WDFY2: variants seen among roughly 807,000 people sequenced by gnomAD.
The protein encoded by WDFY2 is WD repeat and FYVE domain containing 2.
WDFY2 carries 36 observed loss-of-function variants against 56.4 expected under a neutral mutation model. The ratio of observed to expected loss-of-function variants is 0.64; its 90% CI spans 0.49 to 0.84. The LOEUF (loss-of-function observed/expected upper bound fraction) is 0.84, where lower values mean the gene tolerates loss of function less well. Among genes scored for constraint, WDFY2 ranks in the 40% least tolerant of loss-of-function variants. The probability of loss-of-function intolerance (pLI) is 0.00; values close to 1 mark genes in which losing one functional copy is unlikely to be tolerated. For missense variants in WDFY2, 444 were observed against 512.2 expected (o/e 0.87, Z 1.29); for synonymous variants, 176 against 183.7 (o/e 0.96, Z 0.34).
chr13:51,630,658 C>T (rs967823319), intron 1 of WDFY2, among the ~76,000 whole-genome samples: 12 of 151,808 alleles, frequency 7.9e-5, no homozygotes, highest in African/African-American at 2.9e-4. Context: ...GTATTTAACC[C>T]ATTAGCGTTT....
intron 3 of WDFY2, among the ~76,000 whole-genome samples, chr13:51,698,117 C>T (rs1951914014): frequency 6.6e-6 from 1 of 152,170 alleles, no homozygotes; most frequent in South Asian, 2.1e-4. Context: ...TGTGTTTTAG[C>T]TCGGATTTAA....
chr13:51,726,366 T>C (rs1340712183), intron 5 of WDFY2, among the ~76,000 whole-genome samples: 3 of 152,216 alleles, frequency 2.0e-5, no homozygotes, highest in Non-Finnish European at 4.4e-5. Context: ...ACGTTTGGGT[T>C]ATTTTCAAAC....
chr13:51,677,428 A>G (rs1309300647), intron 3 of WDFY2, among the ~76,000 whole-genome samples: 3 of 152,260 alleles, frequency 2.0e-5, no homozygotes, highest in Non-Finnish European at 2.9e-5. Context: ...GATCACTGCA[A>G]TAACAGGCTC....
chr13:51,735,127 A>T (rs1023637418), intron 6 of WDFY2, among the ~76,000 whole-genome samples: 1 of 152,244 alleles, frequency 6.6e-6, no homozygotes, highest in African/African-American at 2.4e-5. Context: ...CGTTTCCATC[A>T]GCAGCTCTCC....
At chr13:51,649,132 G>C (rs991384886) in intron 1 of WDFY2, among the ~76,000 whole-genome samples, 2 of 152,188 alleles carry the variant, frequency 1.3e-5, no homozygotes, top group Non-Finnish European at 2.9e-5. Context: ...GGGCAACAGA[G>C]TGAGACTCGG....
At chr13:51,755,525 A>G in intron 9 of WDFY2, 66 bp downstream of exon 9, 1 of 1,485,682 alleles carries the variant, frequency 6.7e-7, no homozygotes, top group South Asian at 1.1e-5. Flanking sequence ...GTGATCTTAG[A>G]AGAAATAACA....
At chr13:51,719,453 GT>G in intron 5 of WDFY2, 105 bp downstream of exon 5, 3 of 1,272,254 alleles carry the variant, frequency 2.4e-6, no homozygotes, top group Non-Finnish European at 3.2e-6. Context: ...GTTAATGACA[GT>G]TGCCCAGTGT....
At position 51,764,942 on chromosome 13, in the gene WDFY2, C is replaced by G. The variant is rs1404052461; in HGVS notation, c.*5173C>G. ...ATTGTTCTAGTCAAGTGTGGCGTTG[C>G]ACGGACAGGCGGTGCCGAGTGTTTG... On this transcript the variant is annotated 3_prime_UTR_variant, in exon 12 of 12. Transcript: ENST00000298125. 6.6e-6 allele frequency: 1 copy of G among 152,196 alleles called. No individual in the cohort carries two copies. Among genetic ancestry groups the G allele is most frequent in the Admixed American group, 6.5e-5 (1 of 15,270 alleles). 9.4% of individuals were successfully genotyped at this position (152,196 alleles called of 1,614,324 possible).
chr13:51,636,362 T>A (rs1955051363), intron 1 of WDFY2, among the ~76,000 whole-genome samples: 1 of 152,196 alleles, frequency 6.6e-6, no homozygotes, highest in Admixed American at 6.5e-5. Context: ...AACAGGCCTA[T>A]AGGCTATGAT....
At position 51,727,722 on chromosome 13, in the gene WDFY2, G is replaced by C. The variant is rs1952635450; in HGVS notation, c.530G>C (p.Gly177Ala). The C allele has an allele frequency of 6.2e-7, 1 of 1,614,110 alleles. No homozygotes were observed. The highest frequency in any genetic ancestry group is 1.3e-5 in the African/African-American group (1 of 75,034). The change falls in exon 6 of 12, where the codon GGC (glycine) becomes GCC (alanine). Residue 177 changes from glycine (G) to alanine (A), a missense_variant. Coordinates refer to ENST00000298125, the MANE Select transcript of WDFY2 (RefSeq NM_052950.4). The part of the protein sequence containing the change: ...TRHVFIGDHS[G>A]QVTILKLEQE... ...CATGTGTTTATCGGTGACCACTCAG[G>C]CCAAGTAACAATCCTCAAACTGGAG...
chr13:51,656,610 C>T (rs189027026), intron 1 of WDFY2, among the ~76,000 whole-genome samples: 1 of 151,942 alleles, frequency 6.6e-6, no homozygotes, highest in Non-Finnish European at 1.5e-5. Flanking sequence ...CTCTCTATTT[C>T]TCCCTTCAGT....
At chr13:51,638,795 A>G (rs917262684) in intron 1 of WDFY2, among the ~76,000 whole-genome samples, 3 of 152,242 alleles carry the variant, frequency 2.0e-5, no homozygotes, top group East Asian at 1.9e-4. Flanking sequence ...ATGCAGAGCA[A>G]TGATTTACAT....
At chr13:51,621,229 G>A (rs1480759381) in intron 1 of WDFY2, among the ~76,000 whole-genome samples, 1 of 152,292 alleles carries the variant, frequency 6.6e-6, no homozygotes, top group African/African-American at 2.4e-5. Context: ...TCTTGGCCGG[G>A]CGCGGTGGCT....
Position 51,642,142 on chromosome 13 carries a change from A to C in WDFY2, c.138-18454A>C, listed in dbSNP as rs371180016. ...TCTAATCTTTTTTACCTTGTTTTTCATGTTCAGCCTTTCACATTTTCCATA... is the reference window on the plus strand; with the variant it reads ...TCTAATCTTTTTTACCTTGTTTTTCCTGTTCAGCCTTTCACATTTTCCATA... On this transcript the variant is annotated intron_variant, in intron 1 of 11. Transcript: ENST00000298125. Among the ~76,000 whole-genome samples the C allele has an allele frequency of 1.3e-3, 200 of 151,858 alleles. 1 individual carries two copies. Among genetic ancestry groups the C allele is most frequent in the South Asian group, 3.7e-3 (18 of 4,806 alleles).
chr13:51,669,447 A>G (rs1955769779), intron 2 of WDFY2, among the ~76,000 whole-genome samples: 1 of 152,208 alleles, frequency 6.6e-6, no homozygotes, highest in Admixed American at 6.5e-5. Context: ...ATAAGATAAT[A>G]AGAGGTCACA....
At chr13:51,646,478 G>T (rs1955264787) in intron 1 of WDFY2, among the ~76,000 whole-genome samples, 1 of 152,172 alleles carries the variant, frequency 6.6e-6, no homozygotes, top group Admixed American at 6.5e-5. Flanking sequence ...CCATACCTTA[G>T]CTCTTACCTT....
At chr13:51,671,558 C>T (rs1330669754) in intron 2 of WDFY2, among the ~76,000 whole-genome samples, 1 of 151,796 alleles carries the variant, frequency 6.6e-6, no homozygotes, top group Non-Finnish European at 1.5e-5. Context: ...TGATGGGGTT[C>T]TTTTTGTGTG....
rs1303640230 is a variant in WDFY2 at position 51,727,674 on chromosome 13, A to C, written c.486-4A>C. 5.0e-6 allele frequency: 8 copies of C among 1,612,340 alleles called. No individual in the cohort carries two copies. The highest frequency in any genetic ancestry group is 6.8e-6 in the Non-Finnish European group (8 of 1,179,334). Reference sequence around the variant, plus strand: ...AGAAACAATCCTTAATGCTTTCATGACAGATTTGATGTTGAAACCCGGCAT... The same window carrying C: ...AGAAACAATCCTTAATGCTTTCATGCCAGATTTGATGTTGAAACCCGGCAT... On this transcript the variant is annotated splice_polypyrimidine_tract_variant and splice_region_variant and intron_variant, in intron 5 of 11. Coordinates refer to ENST00000298125, the MANE Select transcript of WDFY2 (RefSeq NM_052950.4).
At position 51,756,375 on chromosome 13, in the gene WDFY2, G is replaced by C. The variant is rs1432312122; in HGVS notation, c.977G>C (p.Ser326Thr). ...GGGAAGGCCGTCTGTGGCAAGTGCAGCTCCAAGCGCTCCTCCATCCCCCTG... is the reference window on the plus strand; with the variant it reads ...GGGAAGGCCGTCTGTGGCAAGTGCACCTCCAAGCGCTCCTCCATCCCCCTG... ...KCGKAVCGKC[S>T]SKRSSIPLMG... Residue 326 changes from serine to threonine, a missense_variant, in exon 10 of 12, where the codon AGC becomes ACC. Coordinates refer to ENST00000298125, the MANE Select transcript of WDFY2 (RefSeq NM_052950.4). The C allele has an allele frequency of 6.2e-7, 1 of 1,613,986 alleles. No individual in the cohort carries two copies. The highest frequency in any genetic ancestry group is 8.5e-7 in the Non-Finnish European group (1 of 1,180,002).
Sources: gnomAD v4.1 joint callset for allele counts (sites outside exome capture counted in the v4.1 genomes callset) on GRCh38, gnomAD v4.1.1 for gene constraint, MANE v1.5 for transcripts, NCBI Gene and HGNC (gene_info 2026-07-23, HGNC 2026-07-21) for gene names.